The following PDE12 variants were observed in gnomAD, a reference collection of about 807,000 sequenced individuals.
PDE12 encodes phosphodiesterase 12.
In PDE12, 26 loss-of-function variants were observed where a neutral mutation model predicts 45.4. The observed-to-expected ratio is 0.57, with a 90% CI of 0.42 to 0.79. The LOEUF is 0.79. Ranked by LOEUF, PDE12 falls within the 30% of genes least tolerant of loss-of-function variation. The probability of loss-of-function intolerance (pLI) is 0.00; values close to 1 mark genes in which losing one functional copy is unlikely to be tolerated. For synonymous variants in PDE12, 283 were observed against 323.9 expected, an observed-to-expected ratio of 0.87 and a Z score of 1.36; for missense variants, 668 against 790.0, an observed-to-expected ratio of 0.85 and a Z score of 1.85.
rs2069679539 is a variant in PDE12, at chr3:57,557,527, C to T, written c.1148C>T (p.Ala383Val). The change falls in exon 1 of 3, where the codon GCC (alanine) becomes GTC (valine). Residue 383 changes from alanine (A) to valine (V), a missense_variant. Physicochemically the swap from Ala to Val is moderately conservative, Grantham distance 64. Transcript: ENST00000311180. ...VFRIKQHEGL[A>V]TFYRKSKFSL... ...CGAATCAAGCAGCACGAAGGCCTGG[C>T]CACTTTCTACCGAAAGTCTAAGTTC... The T allele has an allele frequency of 1.2e-6, 2 of 1,614,056 alleles. No individual in the cohort carries two copies. The highest frequency in any genetic ancestry group is 1.7e-6 in the Non-Finnish European group (2 of 1,180,026).
downstream of PDE12, among the ~76,000 whole-genome samples, chr3:57,570,219 G>GTTTTTTTTTTTTGTTTGTTTT (rs2069824294): frequency 5.9e-5 from 6 of 102,328 alleles, no homozygotes; most frequent in African/African-American, 1.9e-4. Context: ...TTAATCCAGT[G>GTTTTTTTTTTTTGTTTGTTTT]TTTTTTTTTT....
At chr3:57,655,465 C>T in the PDE12 span, among the ~76,000 whole-genome samples, 1 of 152,188 alleles carries the variant, frequency 6.6e-6, no homozygotes, top group Non-Finnish European at 1.5e-5. Flanking sequence ...AAGGGTTGAG[C>T]ATCCCTAATG....
chr3:57,569,439 A>G (rs2069814715), downstream of PDE12, among the ~76,000 whole-genome samples: 1 of 151,970 alleles, frequency 6.6e-6, no homozygotes, highest in Admixed American at 6.6e-5. Context: ...CACAACCTCC[A>G]CCTCCCAGGT....
chr3:57,582,081 C>A, the PDE12 span, among the ~76,000 whole-genome samples: 1 of 152,114 alleles, frequency 6.6e-6, no homozygotes, highest in Non-Finnish European at 1.5e-5. Flanking sequence ...CCAAAACCCC[C>A]AAAATTCTGA....
At position 57,562,537 on chromosome 3, in the gene PDE12, A is replaced by C. The variant is rs1227157189; in HGVS notation, c.*2533A>C. 1 of 152,212 alleles carries C rather than the reference A, an allele frequency of 6.6e-6. No homozygotes were observed. Among genetic ancestry groups the C allele is most frequent in the Admixed American group, 6.5e-5 (1 of 15,276 alleles). The allele number at this position is 152,212 out of a possible 1,614,324, so 9.4% of individuals were successfully genotyped here. A position where few individuals can be genotyped will look rare whatever the true frequency, so the allele number is the denominator to read the frequency against. On this transcript the variant is annotated 3_prime_UTR_variant, in exon 3 of 3. Coordinates refer to ENST00000311180, the MANE Select transcript of PDE12 (RefSeq NM_177966.7). Reference sequence around the variant, plus strand: ...TCAGAAATGTCTGTTTAAAGCACCTATGTGATTGCATTTTTCTATTACATT... The same window carrying C: ...TCAGAAATGTCTGTTTAAAGCACCTCTGTGATTGCATTTTTCTATTACATT...
chr3:57,584,011 C>T, the PDE12 span: 2 of 1,577,434 alleles, frequency 1.3e-6, no homozygotes, highest in Admixed American at 1.7e-5. Context: ...TTAAAACCTA[C>T]AAAGAAAAAC....
At chr3:57,596,040 G>A in the PDE12 span, among the ~76,000 whole-genome samples, 12 of 152,224 alleles carry the variant, frequency 7.9e-5, no homozygotes, top group African/African-American at 1.9e-4. Flanking sequence ...AAAGTTAGAG[G>A]GGCTTCTTTC....
At chr3:57,630,684 C>G in the PDE12 span, 1 of 1,596,570 alleles carries the variant, frequency 6.3e-7, no homozygotes, top group Admixed American at 1.8e-5. Flanking sequence ...AAGCACGACA[C>G]ATGGGTGTAA....
the PDE12 span, among the ~76,000 whole-genome samples, chr3:57,629,827 A>G: frequency 2.0e-5 from 3 of 152,026 alleles, no homozygotes; most frequent in Admixed American, 6.6e-5. Flanking sequence ...CGGCCAGTCC[A>G]CATTTCTAAA....
At chr3:57,654,795 T>A in the PDE12 span, 3 of 984,614 alleles carry the variant, frequency 3.0e-6, no homozygotes. Flanking sequence ...CCTTTCTAGG[T>A]CTCTTTACTT....
chr3:57,628,321 G>GT, the PDE12 span: 1 of 1,614,060 alleles, frequency 6.2e-7, no homozygotes, highest in Non-Finnish European at 8.5e-7. Flanking sequence ...GGTTTCACAG[G>GT]TAAGTGCTCT....
At chr3:57,646,366 A>T in the PDE12 span, 3 of 1,614,122 alleles carry the variant, frequency 1.9e-6, no homozygotes, top group Non-Finnish European at 2.5e-6. Flanking sequence ...ATGGCGCCAT[A>T]ACCACAAGGG....
the PDE12 span, chr3:57,572,343 T>A: frequency 1.5e-6 from 2 of 1,371,998 alleles, no homozygotes; most frequent in Admixed American, 1.7e-5. Context: ...AAAGTTAATA[T>A]ATAACACCAG....
chr3:57,631,973 C>A, the PDE12 span, among the ~76,000 whole-genome samples: 1 of 146,192 alleles, frequency 6.8e-6, no homozygotes, highest in East Asian at 2.1e-4. Context: ...CCGCCCGCCT[C>A]GGCCTCCCAA....
At chr3:57,621,696 T>A in the PDE12 span, among the ~76,000 whole-genome samples, 1 of 151,752 alleles carries the variant, frequency 6.6e-6, no homozygotes, top group Non-Finnish European at 1.5e-5. Context: ...GAAGAAAACA[T>A]AGGTCTTTGT....
chr3:57,621,107 A>G, the PDE12 span, among the ~76,000 whole-genome samples: 1 of 152,210 alleles, frequency 6.6e-6, no homozygotes, highest in African/African-American at 2.4e-5. Flanking sequence ...GTACTGGCAT[A>G]AAGATAGACA....
the PDE12 span, among the ~76,000 whole-genome samples, chr3:57,607,990 A>G: frequency 6.6e-6 from 1 of 152,170 alleles, no homozygotes; most frequent in South Asian, 2.1e-4. Context: ...CCAGAGAGAA[A>G]GGTCGGGTTA....
the PDE12 span, among the ~76,000 whole-genome samples, chr3:57,605,857 G>A: frequency 6.6e-6 from 1 of 152,032 alleles, no homozygotes; most frequent in East Asian, 1.9e-4. Flanking sequence ...GAGATGAAAA[G>A]TACACTAGAT....
chr3:57,579,809 ATCCTT>A, the PDE12 span, among the ~76,000 whole-genome samples: 1 of 152,158 alleles, frequency 6.6e-6, no homozygotes, highest in Non-Finnish European at 1.5e-5. Flanking sequence ...TAAATATCCT[ATCCTT>A]TGAGAAAACT....
Sources: gnomAD v4.1 joint callset for allele counts (sites outside exome capture counted in the v4.1 genomes callset) on GRCh38, gnomAD v4.1.1 for gene constraint, MANE v1.5 for transcripts, NCBI Gene and HGNC (gene_info 2026-07-23, HGNC 2026-07-21) for gene names.